Variants in PTPRD observed in about 807,000 individuals in gnomAD.
PTPRD encodes the protein receptor-type tyrosine-protein phosphatase delta.
PTPRD carries 34 observed loss-of-function variants against 214.5 expected under a neutral mutation model. That is an observed-to-expected ratio of 0.16 (90% confidence interval 0.12 to 0.21). The LOEUF (loss-of-function observed/expected upper bound fraction) is 0.21. Among genes scored for constraint, PTPRD ranks in the 10% least tolerant of loss-of-function variants. The pLI, the probability that PTPRD is intolerant of heterozygous loss-of-function variation, is 1.00. For missense variants in PTPRD, 2,545 were observed against 2,398.7 expected (o/e 1.06, Z -1.27); for synonymous variants, 1,128 against 845.7 (o/e 1.33, Z -5.79).
At chr9:9,116,499 G>C (rs2154459085) in intron 10 of PTPRD, among the ~76,000 whole-genome samples, 2 of 152,148 alleles carry the variant, frequency 1.3e-5, no homozygotes, top group East Asian at 3.9e-4. Flanking sequence ...GGGATGAAAA[G>C]TTACCTACTG....
intron 3 of PTPRD, among the ~76,000 whole-genome samples, chr9:10,169,399 C>A (rs56820532): frequency 3.4e-5 from 5 of 146,278 alleles, no homozygotes; most frequent in African/African-American, 1.3e-4. Flanking sequence ...GCGTGAACCC[C>A]GGAGGCGGAG....
intron 9 of PTPRD, among the ~76,000 whole-genome samples, chr9:9,221,891 T>G (rs1593916923): frequency 6.6e-6 from 1 of 152,166 alleles, no homozygotes; most frequent in South Asian, 2.1e-4. Flanking sequence ...ACTTCAGAGC[T>G]TATTAGAAAT....
intron 14 of PTPRD, among the ~76,000 whole-genome samples, chr9:8,594,109 A>G (rs1476087176): frequency 6.6e-6 from 1 of 152,132 alleles, no homozygotes; most frequent in Non-Finnish European, 1.5e-5. Flanking sequence ...CACTAATTCT[A>G]GTGTTTGCTT....
chr9:9,216,050 C>T (rs898372309), intron 9 of PTPRD, among the ~76,000 whole-genome samples: 1 of 152,138 alleles, frequency 6.6e-6, no homozygotes, highest in African/African-American at 2.4e-5. Context: ...CTAGTGTCAG[C>T]CTGCCTGATT....
At chr9:8,700,390 T>C (rs1285927446) in intron 12 of PTPRD, among the ~76,000 whole-genome samples, 2 of 152,250 alleles carry the variant, frequency 1.3e-5, no homozygotes, top group Admixed American at 6.5e-5. Context: ...TGCTTTATCA[T>C]CATGATGTAC....
At chr9:8,955,490 G>A (rs996027535) in intron 11 of PTPRD, among the ~76,000 whole-genome samples, 9 of 151,792 alleles carry the variant, frequency 5.9e-5, no homozygotes, top group Non-Finnish European at 1.0e-4. Flanking sequence ...CAGCATAAAT[G>A]CTCTGCTCTC....
chr9:8,929,741 A>ATATGTGTATATATATGTGTGTATATATG (rs1555536518), intron 11 of PTPRD, among the ~76,000 whole-genome samples: 1 of 101,714 alleles, frequency 9.8e-6, no homozygotes, highest in East Asian at 3.3e-4. Flanking sequence ...GTGTATATAT[A>ATATGTGTATATATATGTGTGTATATATG]TGTGTATATA....
At chr9:8,856,823 A>G (rs1342541973) in intron 11 of PTPRD, among the ~76,000 whole-genome samples, 1 of 152,234 alleles carries the variant, frequency 6.6e-6, no homozygotes. Flanking sequence ...TTTTTTAAGC[A>G]TAAGACTTAA....
chr9:9,637,965 C>T (rs994591147), intron 7 of PTPRD, among the ~76,000 whole-genome samples: 2 of 152,184 alleles, frequency 1.3e-5, no homozygotes, highest in Non-Finnish European at 2.9e-5. Context: ...AAGGTTACAG[C>T]TCATGCCTTA....
chr9:9,932,035 A>T (rs1380075217), intron 5 of PTPRD, among the ~76,000 whole-genome samples: 4 of 151,792 alleles, frequency 2.6e-5, no homozygotes, highest in South Asian at 2.1e-4. Flanking sequence ...TAGAAGGAAA[A>T]CTAACAAACA....
chr9:10,004,864 G>T (rs2096435712), intron 4 of PTPRD, among the ~76,000 whole-genome samples: 1 of 152,106 alleles, frequency 6.6e-6, no homozygotes, highest in South Asian at 2.1e-4. Context: ...AAGCAGATCA[G>T]GGTTTACTAT....
chr9:10,187,458 T>C (rs2099341878), intron 3 of PTPRD, among the ~76,000 whole-genome samples: 1 of 152,216 alleles, frequency 6.6e-6, no homozygotes, highest in Non-Finnish European at 1.5e-5. Context: ...TACTTTACAG[T>C]TTGCTGGAGT....
At chr9:9,476,892 T>C (rs916992872) in intron 8 of PTPRD, among the ~76,000 whole-genome samples, 1 of 151,942 alleles carries the variant, frequency 6.6e-6, no homozygotes, top group Non-Finnish European at 1.5e-5. Context: ...TGTGCCACCA[T>C]GCCTGACTAA....
At chr9:8,853,103 G>C (rs7031581) in intron 11 of PTPRD, among the ~76,000 whole-genome samples, 2 of 152,172 alleles carry the variant, frequency 1.3e-5, no homozygotes, top group Non-Finnish European at 2.9e-5. Flanking sequence ...AATTTATTAA[G>C]GGGGAAATGA....
At chr9:8,854,574 A>T (rs1046679426) in intron 11 of PTPRD, among the ~76,000 whole-genome samples, 2 of 152,190 alleles carry the variant, frequency 1.3e-5, no homozygotes, top group African/African-American at 4.8e-5. Context: ...TTGAAAATCA[A>T]CGAAAGAACA....
At chr9:9,754,886 T>C (rs2098554003) in intron 6 of PTPRD, among the ~76,000 whole-genome samples, 1 of 152,026 alleles carries the variant, frequency 6.6e-6, no homozygotes, top group Admixed American at 6.6e-5. Context: ...TACCAATGCT[T>C]TTAGAAGAAA....
intron 7 of PTPRD, among the ~76,000 whole-genome samples, chr9:9,693,735 C>A (rs1479174949): frequency 1.3e-5 from 2 of 152,112 alleles, no homozygotes; most frequent in Non-Finnish European, 2.9e-5. Flanking sequence ...TAGACTTACC[C>A]TTTTGAGGAT....
intron 11 of PTPRD, among the ~76,000 whole-genome samples, chr9:8,801,525 T>TGACCC (rs2096570242): frequency 6.6e-6 from 1 of 152,156 alleles, no homozygotes; most frequent in Non-Finnish European, 1.5e-5. Flanking sequence ...GAGACCAGCC[T>TGACCC]GACCAACAGG....
At chr9:8,392,327 A>G (rs911372835) in intron 36 of PTPRD, among the ~76,000 whole-genome samples, 2 of 152,028 alleles carry the variant, frequency 1.3e-5, no homozygotes, top group Non-Finnish European at 2.9e-5. Context: ...GCACATGACA[A>G]GTCTGGGCAA....
Sources: allele counts gnomAD v4.1 joint callset (sites outside exome capture counted in the v4.1 genomes callset), GRCh38; gene constraint gnomAD v4.1.1; transcripts MANE v1.5; gene names NCBI Gene and HGNC (gene_info 2026-07-23, HGNC 2026-07-21).